Variants in HFM1 observed in about 807,000 individuals in gnomAD.
HFM1 encodes the protein probable ATP-dependent DNA helicase HFM1.
HFM1 carries 169 observed loss-of-function variants against 192.1 expected under a neutral mutation model. The ratio of observed to expected loss-of-function variants is 0.88; its 90% CI spans 0.78 to 1.00. HFM1 has a LOEUF of 1.00. Ranked by LOEUF, HFM1 falls within the 50% of genes least tolerant of loss-of-function variation. The probability of loss-of-function intolerance (pLI) is 0.00; values close to 1 mark genes in which losing one functional copy is unlikely to be tolerated. For missense variants in HFM1, 1,661 were observed against 1,668.0 expected (o/e 1.00, Z 0.07); for synonymous variants, 525 against 537.8 (o/e 0.98, Z 0.33).
chr1:91,333,534 A>G (rs1654130077), intron 20 of HFM1, among the ~76,000 whole-genome samples: 1 of 152,102 alleles, frequency 6.6e-6, no homozygotes, highest in Non-Finnish European at 1.5e-5. Context: ...GAAAGAATGA[A>G]TAAGACCTAG....
chr1:91,404,145 T>C (rs1664604835), intron 1 of HFM1, among the ~76,000 whole-genome samples: 1 of 152,178 alleles, frequency 6.6e-6, no homozygotes, highest in South Asian at 2.1e-4. Flanking sequence ...AGGCTCGGCC[T>C]GGGAAAGGAC....
intron 30 of HFM1, among the ~76,000 whole-genome samples, chr1:91,295,601 A>G (rs1647427455): frequency 6.6e-6 from 1 of 152,174 alleles, no homozygotes; most frequent in South Asian, 2.1e-4. Context: ...AATTCAGCAT[A>G]TTTATTTGGG....
At chr1:91,338,655 C>T (rs747583000) in intron 20 of HFM1, among the ~76,000 whole-genome samples, 4 of 152,174 alleles carry the variant, frequency 2.6e-5, no homozygotes, top group African/African-American at 7.2e-5. Flanking sequence ...GGCCTCCCCA[C>T]ATCACTTTGC....
chr1:91,390,026 A>T (rs1662744206), intron 4 of HFM1, among the ~76,000 whole-genome samples: 1 of 152,250 alleles, frequency 6.6e-6, no homozygotes, highest in African/African-American at 2.4e-5. Flanking sequence ...ATGCATTTTC[A>T]TAGCAATATT....
In HFM1 at chr1:91,316,598, CTT is replaced by C. The variant is rs539757850; in HGVS notation, c.2813-124_2813-123del. ...TTTTAAGATCCAGTCAAATAACTAA[CTT>C]AAAGTTTTTGTAAAAAGTTTTCAGT... On this transcript the variant is annotated intron_variant, in intron 25 of 38. Transcript: ENST00000370425. 74 of 411,132 alleles carry C rather than the reference CTT, an allele frequency of 1.8e-4. 1 individual carries two copies. The South Asian group carries it at 6.1e-3, about 34-fold the overall frequency. The allele number at this position is 411,132 out of a possible 1,614,324, so 25.5% of individuals were successfully genotyped here. A position where few individuals can be genotyped will look rare whatever the true frequency, so the allele number is the denominator to read the frequency against.
chr1:91,334,582 A>T (rs551416895), intron 20 of HFM1, among the ~76,000 whole-genome samples: 1 of 152,270 alleles, frequency 6.6e-6, no homozygotes, highest in Admixed American at 6.5e-5. Flanking sequence ...GGTTGTGGGT[A>T]GGAGTATGGG....
intron 4 of HFM1, among the ~76,000 whole-genome samples, chr1:91,390,183 T>C (rs542248443): frequency 9.9e-5 from 15 of 152,174 alleles, no homozygotes; most frequent in African/African-American, 3.6e-4. Context: ...CTTACGCCTG[T>C]AATCCCAATA....
chr1:91,291,572 C>T (rs982972652), intron 30 of HFM1, among the ~76,000 whole-genome samples: 10 of 152,102 alleles, frequency 6.6e-5, no homozygotes, highest in African/African-American at 1.4e-4. Flanking sequence ...AGCTTACCAA[C>T]GAAAAAGAGT....
intron 30 of HFM1, among the ~76,000 whole-genome samples, chr1:91,309,492 A>G: frequency 6.6e-6 from 1 of 152,368 alleles, no homozygotes; most frequent in East Asian, 1.9e-4. Flanking sequence ...ATCTATTCCA[A>G]GTGATTTTTA....
chr1:91,400,625 G>A (rs1186196532), intron 2 of HFM1, among the ~76,000 whole-genome samples: 1 of 152,116 alleles, frequency 6.6e-6, no homozygotes, highest in African/African-American at 2.4e-5. Context: ...GGGATTAGAG[G>A]CATGCGCCAC....
chr1:91,377,007 T>C (rs776701385), intron 11 of HFM1, among the ~76,000 whole-genome samples: 1 of 151,742 alleles, frequency 6.6e-6, no homozygotes, highest in African/African-American at 2.4e-5. Flanking sequence ...TCCATTGTTA[T>C]AGTGTTTGAT....
intron 30 of HFM1, among the ~76,000 whole-genome samples, chr1:91,307,733 C>T (rs1160837818): frequency 6.6e-6 from 1 of 152,174 alleles, no homozygotes; most frequent in African/African-American, 2.4e-5. Context: ...GGATTATAGG[C>T]ATGAGCCACT....
chr1:91,322,659 A>T (rs149505856), intron 23 of HFM1, among the ~76,000 whole-genome samples: 4 of 152,270 alleles, frequency 2.6e-5, no homozygotes, highest in Admixed American at 2.0e-4. Flanking sequence ...TTATTTTTAA[A>T]TGTACTACTC....
intron 21 of HFM1, among the ~76,000 whole-genome samples, chr1:91,324,347 A>G (rs943085769): frequency 6.6e-6 from 1 of 152,224 alleles, no homozygotes; most frequent in Non-Finnish European, 1.5e-5. Flanking sequence ...TCATCTTGGA[A>G]TCTTTCTTAC....
intron 13 of HFM1, among the ~76,000 whole-genome samples, chr1:91,371,148 T>G (rs868169097): frequency 3.0e-4 from 46 of 151,908 alleles, no homozygotes; most frequent in African/African-American, 1.1e-3. Flanking sequence ...ATCAATATCC[T>G]GAAAATGGCC....
intron 30 of HFM1, among the ~76,000 whole-genome samples, chr1:91,302,135 C>G (rs544909037): frequency 6.6e-6 from 1 of 150,932 alleles, no homozygotes; most frequent in South Asian, 2.1e-4. Flanking sequence ...TATGAACAGA[C>G]ACTTCTCAAA....
chr1:91,263,104 GA>G (rs1665323056), intron 36 of HFM1, among the ~76,000 whole-genome samples: 2 of 152,016 alleles, frequency 1.3e-5, no homozygotes, highest in Admixed American at 6.5e-5. Flanking sequence ...AAGTGATAAA[GA>G]AAACGTCAGG....
At chr1:91,334,380 T>C (rs1159684224) in intron 20 of HFM1, among the ~76,000 whole-genome samples, 1 of 152,214 alleles carries the variant, frequency 6.6e-6, no homozygotes, top group Non-Finnish European at 1.5e-5. Flanking sequence ...ATATTTAATG[T>C]GTTACCTATT....
intron 25 of HFM1, among the ~76,000 whole-genome samples, chr1:91,318,358 A>C (rs1212096055): frequency 6.6e-6 from 1 of 152,186 alleles, no homozygotes; most frequent in East Asian, 1.9e-4. Context: ...ATCCCTAAAA[A>C]TCCATTATTT....
Sources: gnomAD v4.1 joint callset for allele counts (sites outside exome capture counted in the v4.1 genomes callset) on GRCh38, gnomAD v4.1.1 for gene constraint, MANE v1.5 for transcripts, NCBI Gene and HGNC (gene_info 2026-07-23, HGNC 2026-07-21) for gene names.